The following NBEA variants were observed in gnomAD, a reference collection of about 807,000 sequenced individuals.
NBEA encodes neurobeachin.
A neutral mutation model predicts 343.4 loss-of-function variants in NBEA; 44 were observed. The observed-to-expected ratio is 0.13, with a 90% CI of 0.10 to 0.16. The LOEUF (loss-of-function observed/expected upper bound fraction) is 0.16. Ranked by LOEUF, NBEA falls within the 10% of genes least tolerant of loss-of-function variation. The pLI, the probability that NBEA is intolerant of heterozygous loss-of-function variation, is 1.00. For missense variants in NBEA, 2,555 were observed against 3,631.3 expected (o/e 0.70, Z 7.62); for synonymous variants, 1,175 against 1,238.7 (o/e 0.95, Z 1.08).
intron 37 of NBEA, 80 bp from the exon 38 acceptor site, chr13:35,352,077 C>T (rs981816028): frequency 1.9e-5 from 16 of 847,822 alleles, no homozygotes; most frequent in African/African-American, 8.9e-5. Context: ...TTCCTGTTAC[C>T]GTTTAACTTA....
chr13:35,463,367 A>T (rs1813940068), intron 40 of NBEA, among the ~76,000 whole-genome samples: 1 of 152,210 alleles, frequency 6.6e-6, no homozygotes, highest in Admixed American at 6.5e-5. Context: ...TCATGCCTAT[A>T]ATCCCAGCAC....
At chr13:35,362,039 T>G (rs991955117) in intron 38 of NBEA, among the ~76,000 whole-genome samples, 1 of 151,996 alleles carries the variant, frequency 6.6e-6, no homozygotes, top group Admixed American at 6.6e-5. Flanking sequence ...TTTTACTATA[T>G]GTAAATTTTA....
At chr13:35,242,053 A>G (rs2030392908) in intron 34 of NBEA, among the ~76,000 whole-genome samples, 1 of 151,956 alleles carries the variant, frequency 6.6e-6, no homozygotes, top group South Asian at 2.1e-4. Flanking sequence ...GGAACAAAAC[A>G]ACTTCCAGAA....
At chr13:35,311,063 T>C (rs2037329209) in intron 36 of NBEA, among the ~76,000 whole-genome samples, 1 of 152,146 alleles carries the variant, frequency 6.6e-6, no homozygotes, top group Non-Finnish European at 1.5e-5. Context: ...TAAAATAGGC[T>C]TTGCATTCAC....
At chr13:35,118,537 T>C in intron 16 of NBEA, 63 bp downstream of exon 16, 1 of 1,168,726 alleles carries the variant, frequency 8.6e-7, no homozygotes, top group Admixed American at 2.1e-5. Flanking sequence ...CCTCCTAGAA[T>C]AACTGCTATT....
At chr13:35,400,173 G>A (rs2042931414) in intron 38 of NBEA, among the ~76,000 whole-genome samples, 1 of 138,310 alleles carries the variant, frequency 7.2e-6, no homozygotes, top group Admixed American at 7.9e-5. Context: ...CTAGATGCAG[G>A]GTTGCCACAA....
chr13:35,215,076 GATGTA>G (rs752795040), intron 33 of NBEA, among the ~76,000 whole-genome samples: 6 of 151,596 alleles, frequency 4.0e-5, no homozygotes, highest in Non-Finnish European at 8.9e-5. Context: ...TGAAAGAGAT[GATGTA>G]ATGTAAGTCC....
chr13:35,579,184 C>T (rs536662483), intron 45 of NBEA, among the ~76,000 whole-genome samples: 1 of 152,146 alleles, frequency 6.6e-6, no homozygotes, highest in Non-Finnish European at 1.5e-5. Context: ...TTTAACTAGG[C>T]CTCTGATTTG....
At chr13:35,439,886 T>G (rs1317367271) in intron 39 of NBEA, among the ~76,000 whole-genome samples, 1 of 152,218 alleles carries the variant, frequency 6.6e-6, no homozygotes, top group Non-Finnish European at 1.5e-5. Flanking sequence ...ATTTTTTTTG[T>G]TTTTGTTTTT....
At chr13:35,030,181 T>A (rs548030541) in intron 1 of NBEA, among the ~76,000 whole-genome samples, 1 of 151,860 alleles carries the variant, frequency 6.6e-6, no homozygotes, top group African/African-American at 2.4e-5. Context: ...CTTTGCTTTT[T>A]AAGATGTTTT....
At chr13:35,417,874 C>T (rs1462132077) in intron 38 of NBEA, among the ~76,000 whole-genome samples, 1 of 152,040 alleles carries the variant, frequency 6.6e-6, no homozygotes, top group Non-Finnish European at 1.5e-5. Context: ...GATTTTAAGT[C>T]TCTTTGTAGG....
At chr13:35,212,434 T>C (rs567000910) in intron 33 of NBEA, among the ~76,000 whole-genome samples, 3 of 152,292 alleles carry the variant, frequency 2.0e-5, no homozygotes, top group African/African-American at 7.2e-5. Flanking sequence ...ATTTTCCATT[T>C]CTTAGTTATT....
At chr13:35,050,751 G>C (rs576880208) in intron 6 of NBEA, among the ~76,000 whole-genome samples, 1 of 152,036 alleles carries the variant, frequency 6.6e-6, no homozygotes, top group African/African-American at 2.4e-5. Flanking sequence ...TAAACCCCCA[G>C]ATTAAGCAAT....
At chr13:35,460,573 G>A (rs1399903014) in intron 40 of NBEA, among the ~76,000 whole-genome samples, 1 of 152,044 alleles carries the variant, frequency 6.6e-6, no homozygotes, top group Non-Finnish European at 1.5e-5. Context: ...AAAGTCTACA[G>A]GTCCTTTTAG....
At chr13:35,315,905 C>T (rs1222628846) in intron 36 of NBEA, among the ~76,000 whole-genome samples, 1 of 151,754 alleles carries the variant, frequency 6.6e-6, no homozygotes, top group Admixed American at 6.6e-5. Flanking sequence ...TTTGATTTGG[C>T]AAAAACTGTA....
intron 1 of NBEA, among the ~76,000 whole-genome samples, chr13:34,962,654 T>C (rs1593294180): frequency 6.6e-6 from 1 of 152,118 alleles, no homozygotes; most frequent in East Asian, 1.9e-4. Flanking sequence ...ATTTGCTATA[T>C]TGTGTTTCTT....
chr13:34,953,834 G>A (rs910227582), intron 1 of NBEA, among the ~76,000 whole-genome samples: 1 of 152,240 alleles, frequency 6.6e-6, no homozygotes, highest in Non-Finnish European at 1.5e-5. Context: ...CCATGGGTGA[G>A]CGAGCATTAC....
intron 41 of NBEA, among the ~76,000 whole-genome samples, chr13:35,522,922 GC>G (rs1474436879): frequency 6.6e-6 from 1 of 151,614 alleles, no homozygotes; most frequent in Non-Finnish European, 1.5e-5. Flanking sequence ...GAGGACTGCT[GC>G]TAAGAGACTT....
chr13:35,602,850 A>G (rs2082115503), intron 47 of NBEA, among the ~76,000 whole-genome samples: 1 of 152,150 alleles, frequency 6.6e-6, no homozygotes, highest in Non-Finnish European at 1.5e-5. Flanking sequence ...CCATCAAGAC[A>G]GATCTTTCTA....
Sources: allele counts gnomAD v4.1 joint callset (sites outside exome capture counted in the v4.1 genomes callset), GRCh38; gene constraint gnomAD v4.1.1; transcripts MANE v1.5; gene names NCBI Gene and HGNC (gene_info 2026-07-23, HGNC 2026-07-21).